PPFIBP1: variants seen among roughly 807,000 people sequenced by gnomAD.
PPFIBP1 encodes liprin-beta-1.
In PPFIBP1, 112 loss-of-function variants were observed where a neutral mutation model predicts 137.8. The ratio of observed to expected loss-of-function variants is 0.81; its 90% confidence interval spans 0.70 to 0.95. The LOEUF (loss-of-function observed/expected upper bound fraction) is 0.95, where lower values mean the gene tolerates loss of function less well. Ranked by LOEUF, PPFIBP1 falls within the 40% of genes least tolerant of loss-of-function variation. The pLI is 0.00. For missense variants in PPFIBP1, 1,083 were observed against 1,196.6 expected (o/e 0.91, Z 1.40); for synonymous variants, 378 against 417.3 (o/e 0.91, Z 1.15).
At chr12:27,654,996 A>G in intron 8 of PPFIBP1, 182 bp downstream of exon 8, 1 of 1,139,774 alleles carries the variant, frequency 8.8e-7, no homozygotes, top group Non-Finnish European at 1.2e-6. Flanking sequence ...GAATTTAAAA[A>G]CAAGGCTTAA....
Position 27,650,004 on chromosome 12 carries a change from T to C in PPFIBP1, c.472-6T>C. 6.3e-7 allele frequency: 1 copy of C among 1,597,552 alleles called. No individual in the cohort carries two copies. Among genetic ancestry groups the C allele is most frequent in the South Asian group, 1.1e-5 (1 of 89,942 alleles). ...CTTCTTGAATGTATCTGTTAAATTA[T>C]AATAGGAGCTTCTAAGTAGGACATC... On this transcript the variant is annotated splice_polypyrimidine_tract_variant and splice_region_variant and intron_variant, in intron 6 of 29. Transcript: ENST00000228425.
chr12:27,606,655 G>A (rs1423492640), intron 2 of PPFIBP1, among the ~76,000 whole-genome samples: 2 of 152,190 alleles, frequency 1.3e-5, no homozygotes, highest in Non-Finnish European at 1.5e-5. Flanking sequence ...TGTTAGGGTT[G>A]AAAAATCAAT....
At chr12:27,598,280 G>A (rs1055735246) in intron 2 of PPFIBP1, among the ~76,000 whole-genome samples, 5 of 152,162 alleles carry the variant, frequency 3.3e-5, no homozygotes, top group African/African-American at 1.2e-4. Context: ...CATGGCAGAA[G>A]GCAAAGGAGC....
chr12:27,641,183 C>T lies in PPFIBP1; in HGVS notation c.271-4879C>T, dbSNP rs553343822. Among the ~76,000 whole-genome samples the T allele has an allele frequency of 6.6e-5, 10 of 152,210 alleles. No individual in the cohort carries two copies. The Middle Eastern group carries it at 0.02, about 311-fold the overall frequency. ...TTAAAAAGGGGGCTGTTTTCTTTTC[C>T]CCATTTTAATTTAGATACTTACCAT... On this transcript the variant is annotated intron_variant, in intron 4 of 29. Coordinates refer to ENST00000228425, the MANE Select transcript of PPFIBP1 (RefSeq NM_003622.4).
At chr12:27,611,751 AG>A (rs1161885700) in intron 2 of PPFIBP1, among the ~76,000 whole-genome samples, 1 of 151,886 alleles carries the variant, frequency 6.6e-6, no homozygotes, top group Non-Finnish European at 1.5e-5. Flanking sequence ...GACCCACCAG[AG>A]GGCCATGGTA....
intron 18 of PPFIBP1, 69 bp downstream of exon 18, chr12:27,676,668 C>T: frequency 7.6e-7 from 1 of 1,314,846 alleles, no homozygotes; most frequent in Non-Finnish European, 1.1e-6. Context: ...TCTTCCCTTC[C>T]CTTACTCTTT....
At position 27,662,070 on chromosome 12, in the gene PPFIBP1, T is replaced by TTG. The variant is rs2059587544; in HGVS notation, c.906+1125_906+1126insTG. ...AGGGCTTATGAGATGCTCAAACTGT[T>TTG]AGAGGGGCACCCAGCATAACATAAC... On this transcript the variant is annotated intron_variant, in intron 11 of 29. Transcript: ENST00000228425. Among the ~76,000 whole-genome samples, 6 of 152,096 alleles carry TTG rather than the reference T, an allele frequency of 3.9e-5. No individual in the cohort carries two copies. The South Asian group carries it at 1.2e-3, about 31-fold the overall frequency.
chr12:27,649,937 T>G, intron 6 of PPFIBP1, 73 bp from the exon 7 acceptor site: 1 of 1,400,238 alleles, frequency 7.1e-7, no homozygotes, highest in African/African-American at 1.4e-5. Flanking sequence ...CTTTGTGCGA[T>G]CATAAATGAG....
chr12:27,587,901 A>G (rs1482235007), intron 2 of PPFIBP1, among the ~76,000 whole-genome samples: 1 of 152,190 alleles, frequency 6.6e-6, no homozygotes, highest in Non-Finnish European at 1.5e-5. Flanking sequence ...TTTGGTTTTG[A>G]TCAAAGATTC....
intron 2 of PPFIBP1, among the ~76,000 whole-genome samples, chr12:27,604,788 C>T (rs1370393891): frequency 8.5e-5 from 13 of 152,234 alleles, no homozygotes; most frequent in Admixed American, 2.0e-4. Flanking sequence ...AAGACACACC[C>T]GAGACTGGGA....
chr12:27,607,863 T>TG (rs1210614563), intron 2 of PPFIBP1, among the ~76,000 whole-genome samples: 2 of 152,092 alleles, frequency 1.3e-5, no homozygotes, highest in African/African-American at 4.8e-5. Context: ...AAAAATACTC[T>TG]GGGGGTGGGG....
intron 24 of PPFIBP1, among the ~76,000 whole-genome samples, chr12:27,685,765 G>A (rs954304956): frequency 6.6e-5 from 10 of 152,122 alleles, no homozygotes; most frequent in Non-Finnish European, 1.2e-4. Context: ...TAGTCTTGAT[G>A]AATGTAATCA....
chr12:27,598,538 CTGTGTGTGTGTGTGTGTGTGTGTG>C (rs71039825), intron 2 of PPFIBP1, among the ~76,000 whole-genome samples: 1 of 150,840 alleles, frequency 6.6e-6, no homozygotes, highest in East Asian at 2.0e-4. Flanking sequence ...TCTCTATAAT[CTGTGTGTGTGTGTGTGTGTGTGTG>C]TGTGTGTGTG....
chr12:27,554,687 T>C (rs1212208781), intron 1 of PPFIBP1, among the ~76,000 whole-genome samples: 1 of 152,180 alleles, frequency 6.6e-6, no homozygotes, highest in Non-Finnish European at 1.5e-5. Flanking sequence ...CTAACCGTGT[T>C]TAGCAAATTT....
At chr12:27,668,118 T>A (rs2059971651) in intron 13 of PPFIBP1, among the ~76,000 whole-genome samples, 1 of 152,110 alleles carries the variant, frequency 6.6e-6, no homozygotes, top group Non-Finnish European at 1.5e-5. Context: ...CTACACCGCT[T>A]TACATCCCTC....
intron 26 of PPFIBP1, 33 bp downstream of exon 26, chr12:27,688,456 CTT>C: frequency 6.2e-7 from 1 of 1,608,564 alleles, no homozygotes; most frequent in Non-Finnish European, 8.5e-7. Flanking sequence ...AATTGACTTA[CTT>C]TGCTTCCTTT....
At chr12:27,586,009 G>A (rs1365010808) in intron 2 of PPFIBP1, among the ~76,000 whole-genome samples, 1 of 152,200 alleles carries the variant, frequency 6.6e-6, no homozygotes, top group Non-Finnish European at 1.5e-5. Flanking sequence ...TAGTCATTAG[G>A]AACAATAGCA....
At chr12:27,606,340 TC>T (rs2054521818) in intron 2 of PPFIBP1, among the ~76,000 whole-genome samples, 1 of 3,400 alleles carries the variant, frequency 2.9e-4, no homozygotes, top group Non-Finnish European at 8.0e-4. Flanking sequence ...GAGGATGAGT[TC>T]TCATGTACCC....
At position 27,662,320 on chromosome 12, in the gene PPFIBP1, C is replaced by T. The variant is rs534924037; in HGVS notation, c.906+1375C>T. Among the ~76,000 whole-genome samples the T allele has an allele frequency of 4.6e-5, 7 of 152,294 alleles. 1 individual carries two copies. The highest frequency in any genetic ancestry group is 1.7e-4 in the African/African-American group (7 of 41,552). Reference sequence around the variant, plus strand: ...TCGGGGCGTGGGGCTGACCACAGAGCTAAGTCAGTGGGCAGGCTACTTCAT... The same window carrying T: ...TCGGGGCGTGGGGCTGACCACAGAGTTAAGTCAGTGGGCAGGCTACTTCAT... On this transcript the variant is annotated intron_variant, in intron 11 of 29. Transcript: ENST00000228425.
Sources: gnomAD v4.1 joint callset for allele counts (sites outside exome capture counted in the v4.1 genomes callset) on GRCh38, gnomAD v4.1.1 for gene constraint, MANE v1.5 for transcripts, NCBI Gene and HGNC (gene_info 2026-07-23, HGNC 2026-07-21) for gene names.